Variants in SRGAP3 observed in about 807,000 individuals in gnomAD.
SRGAP3 encodes SLIT-ROBO Rho GTPase activating protein 3.
In SRGAP3, 39 loss-of-function variants were observed where a neutral mutation model predicts 121.1. The ratio of observed to expected loss-of-function variants is 0.32; its 90% CI spans 0.25 to 0.42. SRGAP3 has a LOEUF of 0.42. Among genes scored for constraint, SRGAP3 ranks in the 10% least tolerant of loss-of-function variants. The pLI, the probability that SRGAP3 is intolerant of heterozygous loss-of-function variation, is 1.00. For missense variants in SRGAP3, 1,213 were observed against 1,470.6 expected, an observed-to-expected ratio of 0.82 and a Z score of 2.86; for synonymous variants, 601 against 570.0, an observed-to-expected ratio of 1.05 and a Z score of -0.77.
chr3:9,223,332 A>G (rs971656692), intron 1 of SRGAP3, among the ~76,000 whole-genome samples: 1 of 152,262 alleles, frequency 6.6e-6, no homozygotes, highest in Non-Finnish European at 1.5e-5. Flanking sequence ...GAAGATGCCA[A>G]TAATTACACT....
chr3:9,190,604 G>T (rs777923189), intron 1 of SRGAP3, among the ~76,000 whole-genome samples: 2 of 152,132 alleles, frequency 1.3e-5, no homozygotes, highest in Non-Finnish European at 2.9e-5. Flanking sequence ...AAGCTACCTG[G>T]GGTTACTCAA....
intron 1 of SRGAP3, among the ~76,000 whole-genome samples, chr3:9,153,024 T>C (rs1214066583): frequency 1.3e-5 from 2 of 152,176 alleles, no homozygotes; most frequent in Non-Finnish European, 2.9e-5. Flanking sequence ...AACTCTCCAG[T>C]AAATGCCCCA....
intron 1 of SRGAP3, among the ~76,000 whole-genome samples, chr3:9,234,511 C>A (rs1054132750): frequency 1.5e-4 from 23 of 152,266 alleles, no homozygotes; most frequent in East Asian, 9.6e-4. Flanking sequence ...CATGTCATTT[C>A]TCTGACCCTC....
At chr3:9,147,001 G>T (rs1007601348) in intron 1 of SRGAP3, among the ~76,000 whole-genome samples, 1 of 152,130 alleles carries the variant, frequency 6.6e-6, no homozygotes, top group Admixed American at 6.5e-5. Flanking sequence ...GAGACGTGTG[G>T]GATGTGAAAT....
At chr3:9,014,473 G>C (rs1252678726) in intron 15 of SRGAP3, among the ~76,000 whole-genome samples, 1 of 152,172 alleles carries the variant, frequency 6.6e-6, no homozygotes, top group Non-Finnish European at 1.5e-5. Flanking sequence ...CCAAAGTCTG[G>C]CAGATGCTTG....
At chr3:9,356,433 C>T (rs1349438833) in intron 1 of SRGAP3, among the ~76,000 whole-genome samples, 4 of 127,964 alleles carry the variant, frequency 3.1e-5, no homozygotes, top group East Asian at 5.0e-4. Context: ...AGTGCAGTGG[C>T]GCAAACTGGG....
At position 9,038,068 on chromosome 3, in the gene SRGAP3, G is replaced by A. The variant is rs750552423; in HGVS notation, c.1431C>T (p.Thr477=). 1.2e-6 allele frequency: 2 copies of A among 1,614,020 alleles called. No individual in the cohort carries two copies. Among genetic ancestry groups the A allele is most frequent in the Non-Finnish European group, 1.7e-6 (2 of 1,180,030 alleles). The part of the protein sequence containing the change: ...LGEGERAECG[T]TRPPCLPPKP... Reference sequence around the variant, plus strand: ...CACAACTCTCCCACTCTCACCTGGTGGTGCCGCATTCTGCTCTTTCCCCTG... The same window carrying A: ...CACAACTCTCCCACTCTCACCTGGTAGTGCCGCATTCTGCTCTTTCCCCTG... The change falls in exon 11 of 22, where the codon ACC becomes ACT. Residue 477 remains threonine, a synonymous_variant. Coordinates refer to ENST00000383836, the MANE Select transcript of SRGAP3 (RefSeq NM_014850.4).
rs2124938796 is a variant in SRGAP3, at chr3:8,992,898, T to C, written c.2558+8A>G. On this transcript the variant is annotated splice_region_variant and intron_variant, in intron 20 of 21. Coordinates refer to ENST00000383836, the MANE Select transcript of SRGAP3 (RefSeq NM_014850.4). ...CCAGCAGGGAAAAAATGAATCCGCATATCCTACCGGCCCATCACCCCCCCA... is the reference window on the plus strand; with the variant it reads ...CCAGCAGGGAAAAAATGAATCCGCACATCCTACCGGCCCATCACCCCCCCA... 1 of 1,614,180 alleles carries C rather than the reference T, an allele frequency of 6.2e-7. No homozygotes were observed. Among genetic ancestry groups the C allele is most frequent in the Non-Finnish European group, 8.5e-7 (1 of 1,180,044 alleles).
chr3:9,062,904 C>T (rs1264109824), intron 5 of SRGAP3, among the ~76,000 whole-genome samples: 1 of 152,158 alleles, frequency 6.6e-6, no homozygotes, highest in East Asian at 1.9e-4. Flanking sequence ...ATTGTTGAGT[C>T]ACATGGTAAC....
chr3:9,157,905 T>G (rs368649136), intron 1 of SRGAP3, among the ~76,000 whole-genome samples: 2 of 152,224 alleles, frequency 1.3e-5, no homozygotes, highest in African/African-American at 4.8e-5. Flanking sequence ...GAGGGAAGAT[T>G]CTTCAAGGGG....
At chr3:9,211,966 A>G (rs914055883) in intron 1 of SRGAP3, among the ~76,000 whole-genome samples, 7 of 151,314 alleles carry the variant, frequency 4.6e-5, no homozygotes, top group Admixed American at 4.6e-4. Context: ...GTGAGCCACC[A>G]CTCCCGGCCT....
At chr3:9,081,386 A>T (rs1947239542) in intron 3 of SRGAP3, 2 of 426,388 alleles carry the variant, frequency 4.7e-6, no homozygotes, top group Admixed American at 5.2e-5. Context: ...TCTCATTTCC[A>T]CTGTTGGCTG....
intron 4 of SRGAP3, among the ~76,000 whole-genome samples, chr3:9,077,220 A>T (rs1033388224): frequency 1.4e-5 from 2 of 144,184 alleles, no homozygotes; most frequent in African/African-American, 5.4e-5. Flanking sequence ...TCTTTCATGT[A>T]TTCATCCCTC....
intron 1 of SRGAP3, among the ~76,000 whole-genome samples, chr3:9,234,877 A>C (rs1240473809): frequency 6.6e-6 from 1 of 152,206 alleles, no homozygotes; most frequent in Non-Finnish European, 1.5e-5. Flanking sequence ...CCTTTGCCCT[A>C]GACAAGCCTC....
At chr3:9,228,906 C>CA (rs1953094156) in intron 1 of SRGAP3, among the ~76,000 whole-genome samples, 1 of 151,244 alleles carries the variant, frequency 6.6e-6, no homozygotes, top group Non-Finnish European at 1.5e-5. Flanking sequence ...ACTAAAAATA[C>CA]AAAAAATTAG....
chr3:9,017,925 T>C (rs933531097), intron 14 of SRGAP3, among the ~76,000 whole-genome samples: 3 of 152,232 alleles, frequency 2.0e-5, no homozygotes, highest in African/African-American at 7.2e-5. Context: ...ATCGTCACCC[T>C]ATTCTACTAC....
At chr3:9,080,209 G>T in intron 3 of SRGAP3, 122 bp from the exon 4 acceptor site, 1 of 882,270 alleles carries the variant, frequency 1.1e-6, no homozygotes, top group Non-Finnish European at 1.8e-6. Context: ...ACAGAAATCA[G>T]CATAAATTTC....
intron 3 of SRGAP3, among the ~76,000 whole-genome samples, chr3:9,289,645 T>C (rs1365132517): frequency 6.6e-6 from 1 of 152,174 alleles, no homozygotes; most frequent in Non-Finnish European, 1.5e-5. Context: ...ATCCTTTAGG[T>C]GACAGATTTA....
At chr3:9,061,166 A>C (rs947461400) in intron 5 of SRGAP3, among the ~76,000 whole-genome samples, 2 of 152,248 alleles carry the variant, frequency 1.3e-5, no homozygotes, top group African/African-American at 4.8e-5. Flanking sequence ...CAGGAGGCAG[A>C]GGTTGCAGTA....
Sources: gnomAD v4.1 joint callset for allele counts (sites outside exome capture counted in the v4.1 genomes callset) on GRCh38, gnomAD v4.1.1 for gene constraint, MANE v1.5 for transcripts, NCBI Gene and HGNC (gene_info 2026-07-23, HGNC 2026-07-21) for gene names.